FAM227B: variants seen among roughly 807,000 people sequenced by gnomAD.
FAM227B encodes the protein protein FAM227B.
A neutral mutation model predicts 73.8 loss-of-function variants in FAM227B; 88 were observed. That is an observed-to-expected ratio of 1.19 (90% CI 1.00 to 1.42). The LOEUF (loss-of-function observed/expected upper bound fraction) is 1.42, where lower values mean the gene tolerates loss of function less well. FAM227B is among the 40% of genes most tolerant of loss of function. The pLI is 0.00. For synonymous variants in FAM227B, 210 were observed against 190.5 expected, an observed-to-expected ratio of 1.10 and a Z score of -0.84; for missense variants, 632 against 590.9, an observed-to-expected ratio of 1.07 and a Z score of -0.72.
intron 11 of FAM227B, among the ~76,000 whole-genome samples, chr15:49,505,497 G>C (rs991684376): frequency 6.6e-6 from 1 of 151,938 alleles, no homozygotes; most frequent in Admixed American, 6.6e-5. Flanking sequence ...AGATATATTT[G>C]ACAATAGCAA....
intron 11 of FAM227B, among the ~76,000 whole-genome samples, chr15:49,490,703 G>A (rs1300096098): frequency 6.6e-6 from 1 of 151,900 alleles, no homozygotes; most frequent in East Asian, 1.9e-4. Flanking sequence ...GAAAAATGAC[G>A]AATGTACCTT....
At chr15:49,616,420 A>G (rs978061514) in intron 1 of FAM227B, among the ~76,000 whole-genome samples, 1 of 152,204 alleles carries the variant, frequency 6.6e-6, no homozygotes, top group Non-Finnish European at 1.5e-5. Flanking sequence ...CAGCAGCAAT[A>G]AGAAACTAAT....
intron 9 of FAM227B, among the ~76,000 whole-genome samples, chr15:49,549,456 G>A (rs1420965389): frequency 6.6e-6 from 1 of 152,066 alleles, no homozygotes; most frequent in Non-Finnish European, 1.5e-5. Context: ...GTTTTCCTAG[G>A]CAGAGGACCC....
At chr15:49,406,729 C>T (rs952318264) in intron 11 of FAM227B, among the ~76,000 whole-genome samples, 1 of 152,008 alleles carries the variant, frequency 6.6e-6, no homozygotes, top group Admixed American at 6.6e-5. Context: ...CACACACACA[C>T]ACTGGCAGGG....
intron 3 of FAM227B, among the ~76,000 whole-genome samples, chr15:49,599,301 TTC>T (rs1488724099): frequency 6.6e-6 from 1 of 152,122 alleles, no homozygotes; most frequent in East Asian, 1.9e-4. Context: ...CCTCTTTCAT[TTC>T]TGATTCTATT....
intron 11 of FAM227B, among the ~76,000 whole-genome samples, chr15:49,479,433 T>C (rs1421003877): frequency 1.3e-5 from 2 of 152,118 alleles, no homozygotes; most frequent in Non-Finnish European, 2.9e-5. Flanking sequence ...CTCTTCTATT[T>C]GTTTTATGTG....
intron 11 of FAM227B, among the ~76,000 whole-genome samples, chr15:49,479,712 C>G (rs962593495): frequency 4.3e-5 from 6 of 138,792 alleles, no homozygotes; most frequent in African/African-American, 1.6e-4. Flanking sequence ...CTCCCAGGTT[C>G]AAATGATTCT....
chr15:49,471,797 G>C (rs961769926), intron 11 of FAM227B, among the ~76,000 whole-genome samples: 1 of 152,012 alleles, frequency 6.6e-6, no homozygotes, highest in Non-Finnish European at 1.5e-5. Context: ...TTTGCTGAGT[G>C]GGGAGCTGTG....
intron 15 of FAM227B, chr15:49,330,733 GAAGA>G (rs1461916289): frequency 2.0e-5 from 3 of 147,178 alleles, no homozygotes; most frequent in Non-Finnish European, 3.0e-5. Context: ...CAATAGTAGG[GAAGA>G]TAGACCAAAA....
At chr15:49,614,164 T>G (rs1225781779) in intron 2 of FAM227B, among the ~76,000 whole-genome samples, 1 of 152,216 alleles carries the variant, frequency 6.6e-6, no homozygotes, top group African/African-American at 2.4e-5. Context: ...GAAACTTGCA[T>G]AGTGAAGTTC....
At position 49,508,212 on chromosome 15, in the gene FAM227B, A is replaced by G. The variant is rs2058721173; in HGVS notation, c.1011T>C (p.Thr337=). 17 of 1,604,324 alleles carry G rather than the reference A, an allele frequency of 1.1e-5. No homozygotes were observed. Among genetic ancestry groups the G allele is most frequent in the Middle Eastern group, 3.3e-4 (2 of 6,024 alleles). Residue 337 remains threonine, a splice_region_variant and synonymous_variant, in exon 11 of 16, where the codon ACT becomes ACC. Coordinates refer to ENST00000299338, the MANE Select transcript of FAM227B (RefSeq NM_152647.3). The stretch of plus-strand genomic sequence containing the variant: ...GCAGTATACAGAAACTTTACTTACT[A>G]GTTGATATATGTTCTTGACTGTCTG... ...RIADSQEHIS[T]SIDFNIIKIL... is the part of the protein sequence containing the mutation.
Position 49,547,052 on chromosome 15 carries a change from AG to A in FAM227B, c.748-5247del, listed in dbSNP as rs1251373014. 5.9e-5 allele frequency among the ~76,000 whole-genome samples: 9 copies of A among 152,230 alleles called. No individual in the cohort carries two copies. The East Asian group carries it at 1.5e-3, about 26-fold the overall frequency. On this transcript the variant is annotated intron_variant, in intron 9 of 15. Coordinates refer to ENST00000299338, the MANE Select transcript of FAM227B (RefSeq NM_152647.3). ...GAGAGAAAGGTCGGGTTACCCACAA[AG>A]GGAAGCCCATCAGACTAACAGCGGA...
intron 4 of FAM227B, among the ~76,000 whole-genome samples, chr15:49,588,588 T>TATATAG (rs2076329042): frequency 9.3e-6 from 1 of 107,282 alleles, no homozygotes; most frequent in African/African-American, 4.1e-5. Context: ...TATATATATA[T>TATATAG]ATATATATAT....
chr15:49,418,053 A>G (rs994997457), intron 11 of FAM227B, among the ~76,000 whole-genome samples: 4 of 152,252 alleles, frequency 2.6e-5, no homozygotes, highest in African/African-American at 2.4e-5. Flanking sequence ...TCTAAAAAAC[A>G]TATGAAAGAA....
chr15:49,441,407 A>G (rs893110163), intron 11 of FAM227B, among the ~76,000 whole-genome samples: 4 of 151,806 alleles, frequency 2.6e-5, no homozygotes, highest in African/African-American at 9.7e-5. Flanking sequence ...ATATCAACAC[A>G]AGATGAAGTA....
At chr15:49,450,299 A>C (rs2052605720) in intron 11 of FAM227B, among the ~76,000 whole-genome samples, 1 of 152,120 alleles carries the variant, frequency 6.6e-6, no homozygotes, top group Non-Finnish European at 1.5e-5. Context: ...AATACAAGAT[A>C]ACTCTTTCTT....
intron 11 of FAM227B, among the ~76,000 whole-genome samples, chr15:49,429,589 T>C (rs1021184373): frequency 6.6e-6 from 1 of 151,938 alleles, no homozygotes; most frequent in African/African-American, 2.4e-5. Flanking sequence ...AGCTCTTAGA[T>C]ATATTGAAAG....
intron 13 of FAM227B, 123 bp from the exon 14 acceptor site, chr15:49,335,619 G>T: frequency 3.3e-6 from 2 of 604,844 alleles, no homozygotes; most frequent in Non-Finnish European, 2.9e-6. Context: ...AGAGTCTCAA[G>T]TATAAACATG....
chr15:49,586,246 C>G (rs1317122803), intron 5 of FAM227B, among the ~76,000 whole-genome samples: 1 of 152,108 alleles, frequency 6.6e-6, no homozygotes, highest in Non-Finnish European at 1.5e-5. Context: ...ACATCTACAA[C>G]TACCTGATCT....
Sources: gnomAD v4.1 joint callset for allele counts (sites outside exome capture counted in the v4.1 genomes callset) on GRCh38, gnomAD v4.1.1 for gene constraint, MANE v1.5 for transcripts, NCBI Gene and HGNC (gene_info 2026-07-23, HGNC 2026-07-21) for gene names.